CBLB: variants seen among roughly 807,000 people sequenced by gnomAD.
CBLB encodes E3 ubiquitin-protein ligase CBL-B.
A neutral mutation model predicts 104.9 loss-of-function variants in CBLB; 31 were observed. The ratio of observed to expected loss-of-function variants is 0.30; its 90% CI spans 0.22 to 0.40. The LOEUF (loss-of-function observed/expected upper bound fraction) is 0.40, where lower values mean the gene tolerates loss of function less well. CBLB is among the 10% of genes least tolerant of loss of function. The probability of loss-of-function intolerance (pLI) is 1.00; values close to 1 mark genes in which losing one functional copy is unlikely to be tolerated. For missense variants in CBLB, 1,062 were observed against 1,214.6 expected, an observed-to-expected ratio of 0.87 and a Z score of 1.87; for synonymous variants, 440 against 422.6, an observed-to-expected ratio of 1.04 and a Z score of -0.51.
At chr3:105,840,122 A>C (rs2089317834) in intron 3 of CBLB, among the ~76,000 whole-genome samples, 1 of 152,220 alleles carries the variant, frequency 6.6e-6, no homozygotes, top group Non-Finnish European at 1.5e-5. Context: ...CAAAACGCGA[A>C]GGGTTTTCAG....
chr3:105,732,585 T>C (rs2074430064), intron 9 of CBLB, among the ~76,000 whole-genome samples: 1 of 149,034 alleles, frequency 6.7e-6, no homozygotes, highest in Non-Finnish European at 1.5e-5. Context: ...ATAAATCAAC[T>C]GTAATTCATT....
At chr3:105,850,962 T>C (rs1236372463) in intron 3 of CBLB, among the ~76,000 whole-genome samples, 1 of 152,174 alleles carries the variant, frequency 6.6e-6, no homozygotes, top group Non-Finnish European at 1.5e-5. Flanking sequence ...TTACAAACTT[T>C]CTTGAAAGTT....
At chr3:105,683,705 A>T (rs1359608710) in intron 14 of CBLB, among the ~76,000 whole-genome samples, 2 of 152,216 alleles carry the variant, frequency 1.3e-5, no homozygotes, top group African/African-American at 4.8e-5. Flanking sequence ...TCTCAAATAC[A>T]TCACTAGCTA....
intron 4 of CBLB, among the ~76,000 whole-genome samples, chr3:105,770,250 T>C: frequency 6.6e-6 from 1 of 152,114 alleles, no homozygotes; most frequent in East Asian, 1.9e-4. Flanking sequence ...ATTGGGAGGC[T>C]ATAGCCTACT....
intron 3 of CBLB, among the ~76,000 whole-genome samples, chr3:105,798,653 T>TTA (rs1292925835): frequency 6.6e-6 from 1 of 152,218 alleles, no homozygotes; most frequent in Non-Finnish European, 1.5e-5. Context: ...CTCCCCATCT[T>TTA]TAGTCAGAAC....
At chr3:105,747,571 A>G (rs1043837698) in intron 5 of CBLB, among the ~76,000 whole-genome samples, 1 of 152,186 alleles carries the variant, frequency 6.6e-6, no homozygotes, top group Non-Finnish European at 1.5e-5. Context: ...GAGAATAATA[A>G]TATGAGAGGT....
chr3:105,721,108 C>T (rs1019031597), intron 9 of CBLB, among the ~76,000 whole-genome samples: 14 of 152,158 alleles, frequency 9.2e-5, no homozygotes, highest in Non-Finnish European at 1.2e-4. Flanking sequence ...ATTCTCCACC[C>T]GATTTTTGGT....
At chr3:105,730,050 T>G (rs960534570) in intron 9 of CBLB, among the ~76,000 whole-genome samples, 1 of 152,022 alleles carries the variant, frequency 6.6e-6, no homozygotes, top group South Asian at 2.1e-4. Flanking sequence ...ACAGAGACTG[T>G]GAAATATCAA....
intron 4 of CBLB, among the ~76,000 whole-genome samples, chr3:105,765,227 C>T (rs576898051): frequency 9.9e-5 from 15 of 152,122 alleles, no homozygotes; most frequent in Non-Finnish European, 5.9e-5. Flanking sequence ...GAAGTCAATA[C>T]CTAGCTTCAA....
intron 3 of CBLB, among the ~76,000 whole-genome samples, chr3:105,804,221 T>A (rs912195364): frequency 6.6e-6 from 1 of 152,086 alleles, no homozygotes; most frequent in South Asian, 2.1e-4. Context: ...GAATTTCAAA[T>A]AGTTTAAAAA....
At chr3:105,868,120 C>G in intron 1 of CBLB, 1 of 731,982 alleles carries the variant, frequency 1.4e-6, no homozygotes, top group South Asian at 6.5e-5. Context: ...TCAACAAAAG[C>G]GCAGGGCATG....
At chr3:105,700,660 A>G (rs1046975237) in intron 12 of CBLB, among the ~76,000 whole-genome samples, 3 of 152,192 alleles carry the variant, frequency 2.0e-5, no homozygotes, top group African/African-American at 4.8e-5. Context: ...ACCTTTAGAG[A>G]TCCTCATATT....
chr3:105,854,927 G>T (rs759360137), intron 2 of CBLB, among the ~76,000 whole-genome samples: 2 of 152,104 alleles, frequency 1.3e-5, no homozygotes, highest in Non-Finnish European at 2.9e-5. Context: ...CACCGTACCC[G>T]GCCTAAGAGT....
chr3:105,748,915 C>A (rs2076354906), intron 5 of CBLB, among the ~76,000 whole-genome samples: 1 of 152,134 alleles, frequency 6.6e-6, no homozygotes, highest in African/African-American at 2.4e-5. Context: ...CTGCTAAATA[C>A]CCCACTCCCA....
intron 10 of CBLB, among the ~76,000 whole-genome samples, chr3:105,708,374 A>G (rs971416912): frequency 6.6e-6 from 1 of 152,150 alleles, no homozygotes; most frequent in Non-Finnish European, 1.5e-5. Flanking sequence ...ATAAAAATGC[A>G]GACCAAATAC....
intron 8 of CBLB, among the ~76,000 whole-genome samples, chr3:105,736,337 G>A (rs760741824): frequency 7.2e-5 from 11 of 151,982 alleles, no homozygotes; most frequent in South Asian, 6.2e-4. Context: ...TTCATATACA[G>A]CAATTAATTA....
chr3:105,669,734 G>C (rs930033329), intron 18 of CBLB, among the ~76,000 whole-genome samples: 26 of 152,252 alleles, frequency 1.7e-4, no homozygotes, highest in Middle Eastern at 3.4e-3. Context: ...TCCTCAAGAA[G>C]CAAAGAAGCA....
chr3:105,813,538 C>CA (rs2084588024), intron 3 of CBLB, among the ~76,000 whole-genome samples: 1 of 151,818 alleles, frequency 6.6e-6, no homozygotes, highest in Non-Finnish European at 1.5e-5. Flanking sequence ...TTTCAATTAC[C>CA]AACTAGTCTT....
chr3:105,702,474 G>GACAAAAA lies in CBLB; in HGVS notation c.1594-16_1594-15insTTTTTGT. On this transcript the variant is annotated splice_polypyrimidine_tract_variant and intron_variant, in intron 11 of 18. Transcript: ENST00000394030. Reference sequence around the variant, plus strand: ...CAAGGAGAAGACTAAAGAAACAGAAGAGAAAAAAAAAAAAAAAAAAAAAAA... The same window carrying GACAAAAA: ...CAAGGAGAAGACTAAAGAAACAGAAGACAAAAAAGAAAAAAAAAAAAAAAAAAAAAAA... The GACAAAAA allele has an allele frequency of 6.0e-6, 1 of 165,560 alleles. No individual in the cohort carries two copies. Among genetic ancestry groups the GACAAAAA allele is most frequent in the Non-Finnish European group, 9.5e-6 (1 of 105,750 alleles). The allele number at this position is 165,560 out of a possible 1,614,324, so 10.3% of individuals were successfully genotyped here.
Sources: allele counts gnomAD v4.1 joint callset (sites outside exome capture counted in the v4.1 genomes callset), GRCh38; gene constraint gnomAD v4.1.1; transcripts MANE v1.5; gene names NCBI Gene and HGNC (gene_info 2026-07-23, HGNC 2026-07-21).